CLCN5: variants seen among roughly 807,000 people sequenced by gnomAD.
CLCN5 encodes the protein H(+)/Cl(-) exchange transporter 5.
Under a neutral mutation model 54.0 loss-of-function variants are expected in CLCN5, and 17 were observed. That is an observed-to-expected ratio of 0.31 (90% CI 0.22 to 0.47). The LOEUF is 0.47. Among genes scored for constraint, CLCN5 ranks in the 20% least tolerant of loss-of-function variants. The probability of loss-of-function intolerance (pLI) is 1.00; values close to 1 mark genes in which losing one functional copy is unlikely to be tolerated. For synonymous variants in CLCN5, 222 were observed against 233.0 expected, an observed-to-expected ratio of 0.95 and a Z score of 0.43; for missense variants, 448 against 646.7, an observed-to-expected ratio of 0.69 and a Z score of 3.33.
intron 4 of CLCN5, among the ~76,000 whole-genome samples, chrX:50,063,885 A>G (rs1262163990): frequency 5.4e-5 from 6 of 111,263 alleles, no homozygotes; most frequent in Admixed American, 1.9e-4. Context: ...AATCCAGCAT[A>G]TAAACAGAGC....
At chrX:50,048,247 C>T (rs181011448) in intron 4 of CLCN5, among the ~76,000 whole-genome samples, 4 of 112,648 alleles carry the variant, frequency 3.6e-5, no homozygotes, top group Non-Finnish European at 7.5e-5. Flanking sequence ...AATGCCGCCA[C>T]TGATCTGACA....
At chrX:49,958,863 A>T (rs1216520011) in intron 3 of CLCN5, among the ~76,000 whole-genome samples, 3 of 111,858 alleles carry the variant, frequency 2.7e-5, no homozygotes, top group African/African-American at 9.7e-5. Context: ...ATAGCAACTG[A>T]GTCATTCTAC....
chrX:50,065,542 G>T (rs1179765439), intron 4 of CLCN5, among the ~76,000 whole-genome samples: 2 of 86,951 alleles, frequency 2.3e-5, no homozygotes, highest in African/African-American at 4.3e-5. Flanking sequence ...GGAGAAATAG[G>T]AACACTTTTA....
intron 3 of CLCN5, among the ~76,000 whole-genome samples, chrX:49,998,032 C>T (rs782034290): frequency 9.0e-6 from 1 of 111,008 alleles, no homozygotes; most frequent in South Asian, 3.9e-4. Flanking sequence ...TAGAGAGGCC[C>T]ATTTTCCTGT....
In CLCN5 at chrX:49,959,293, GTTC is replaced by G. The variant is rs1278685944; in HGVS notation, c.16+33985_16+33987del. Among the ~76,000 whole-genome samples, 3 of 111,822 alleles carry G rather than the reference GTTC, an allele frequency of 2.7e-5. No homozygotes were observed. In the Admixed American group the frequency reaches 2.8e-4, roughly 11 times the overall value. On this transcript the variant is annotated intron_variant, in intron 3 of 14. Transcript: ENST00000376091. ...CTTTCACTTCTACTTTTACCAATCA[GTTC>G]TTCTTTCTTGGTCAAACTTAGTTAC...
intron 3 of CLCN5, among the ~76,000 whole-genome samples, chrX:49,952,988 C>T (rs1230263676): frequency 9.6e-6 from 1 of 104,133 alleles, no homozygotes; most frequent in African/African-American, 3.5e-5. Context: ...TGGGTTCAAG[C>T]GATTCTCCTG....
chrX:50,067,672 T>C (rs1933077535), intron 4 of CLCN5: 1 of 751,752 alleles, frequency 1.3e-6, no homozygotes, highest in Admixed American at 8.9e-5. Context: ...GGGCTTCTTT[T>C]GTAAAAGCTC....
At chrX:50,057,355 G>C (rs1311228203) in intron 4 of CLCN5, among the ~76,000 whole-genome samples, 2 of 100,701 alleles carry the variant, frequency 2.0e-5, no homozygotes, top group African/African-American at 7.2e-5. Flanking sequence ...CAAACTAAGA[G>C]TACACTAAAG....
At chrX:49,935,403 GCTGTGTGCCAGGCAGGCA>G (rs1925892823) in intron 3 of CLCN5, among the ~76,000 whole-genome samples, 1 of 112,283 alleles carries the variant, frequency 8.9e-6, no homozygotes, top group Non-Finnish European at 1.9e-5. Flanking sequence ...TCTCACATCT[GCTGTGTGCCAGGCAGGCA>G]CTGTGTTGGG....
At chrX:49,993,894 A>T (rs1557179285) in intron 3 of CLCN5, among the ~76,000 whole-genome samples, 2 of 111,731 alleles carry the variant, frequency 1.8e-5, no homozygotes, top group Non-Finnish European at 3.8e-5. Context: ...TAGAGATGGA[A>T]TGTGGCCAAC....
At position 50,093,648 on chromosome X, in the gene CLCN5, G is replaced by GTT; in HGVS notation, c.*1432_*1433dup. ...TCCAACCACTATTTCATTTTCTGTA[G>GTT]TTTTACCTGTGTGCAATTACTCCCC... is the stretch of plus-strand genomic sequence containing the variant. On this transcript the variant is annotated 3_prime_UTR_variant, in exon 15 of 15. Coordinates refer to ENST00000376091, the MANE Select transcript of CLCN5 (RefSeq NM_001127898.4). The GTT allele has an allele frequency of 9.0e-6, 1 of 111,673 alleles. No individual in the cohort carries two copies. Among genetic ancestry groups the GTT allele is most frequent in the Admixed American group, 9.5e-5 (1 of 10,513 alleles). 9.2% of individuals were successfully genotyped at this position (111,673 alleles called of 1,213,427 possible).
At chrX:49,996,799 G>T (rs1929545408) in intron 3 of CLCN5, among the ~76,000 whole-genome samples, 2 of 111,938 alleles carry the variant, frequency 1.8e-5, no homozygotes, top group South Asian at 7.5e-4. Context: ...TATTATTATT[G>T]CAGCATTTAA....
intron 4 of CLCN5, among the ~76,000 whole-genome samples, chrX:50,060,207 G>C (rs377213648): frequency 4.5e-5 from 5 of 110,498 alleles, no homozygotes; most frequent in Non-Finnish European, 9.5e-5. Context: ...CGTGAGCGAC[G>C]CAGAAGACGG....
chrX:50,044,278 G>C (rs1557187553), intron 4 of CLCN5, among the ~76,000 whole-genome samples: 1 of 111,834 alleles, frequency 8.9e-6, no homozygotes, highest in African/African-American at 3.3e-5. Context: ...AGCATTTCAT[G>C]TGTGGGTGTG....
intron 3 of CLCN5, among the ~76,000 whole-genome samples, chrX:49,946,859 G>T (rs1220188457): frequency 3.7e-5 from 4 of 108,742 alleles, no homozygotes; most frequent in Admixed American, 3.0e-4. Flanking sequence ...ATGGAGTTTC[G>T]CTCTTGTTAC....
intron 3 of CLCN5, among the ~76,000 whole-genome samples, chrX:49,955,009 T>G (rs1394059952): frequency 1.8e-5 from 2 of 110,085 alleles, no homozygotes; most frequent in Non-Finnish European, 3.8e-5. Flanking sequence ...GTAGTGCTGA[T>G]TTTTTTTTAG....
At chrX:50,036,880 C>G (rs1459292654) in intron 3 of CLCN5, among the ~76,000 whole-genome samples, 2 of 112,221 alleles carry the variant, frequency 1.8e-5, no homozygotes, top group African/African-American at 6.5e-5. Flanking sequence ...TTGTGCTACT[C>G]TCTTAGCCTC....
Position 50,092,426 on chromosome X carries a change from A to T in CLCN5, c.*207A>T. Reference sequence around the variant, plus strand: ...GAGAAATTATAGTTAGGCTTCCATGATGTTACATTAGGAAGATATCATGAA... The same window carrying T: ...GAGAAATTATAGTTAGGCTTCCATGTTGTTACATTAGGAAGATATCATGAA... On this transcript the variant is annotated 3_prime_UTR_variant, in exon 15 of 15. Transcript: ENST00000376091. 2.4e-6 allele frequency: 1 copy of T among 415,151 alleles called. No individual in the cohort carries two copies. The allele number at this position is 415,151 out of a possible 1,213,427, so 34.2% of individuals were successfully genotyped here.
At chrX:49,944,912 A>T (rs1054993462) in intron 3 of CLCN5, among the ~76,000 whole-genome samples, 2 of 111,949 alleles carry the variant, frequency 1.8e-5, no homozygotes, top group Admixed American at 1.9e-4. Flanking sequence ...TTATCATGTG[A>T]TATGTTATCA....
Sources: allele counts gnomAD v4.1 joint callset (sites outside exome capture counted in the v4.1 genomes callset), GRCh38; gene constraint gnomAD v4.1.1; transcripts MANE v1.5; gene names NCBI Gene and HGNC (gene_info 2026-07-23, HGNC 2026-07-21).